ASCC3: variants seen among roughly 807,000 people sequenced by gnomAD.
The protein encoded by ASCC3 is ASC-1 complex subunit P200.
Under a neutral mutation model 256.3 loss-of-function variants are expected in ASCC3, and 158 were observed. The ratio of observed to expected loss-of-function variants is 0.62; its 90% CI spans 0.54 to 0.70. ASCC3 has a LOEUF of 0.70. Among genes scored for constraint, ASCC3 ranks in the 30% least tolerant of loss-of-function variants. The probability of loss-of-function intolerance (pLI) is 0.00; values close to 1 mark genes in which losing one functional copy is unlikely to be tolerated. For missense variants in ASCC3, 2,259 were observed against 2,626.0 expected (o/e 0.86, Z 3.05); for synonymous variants, 948 against 883.4 (o/e 1.07, Z -1.30).
intron 10 of ASCC3, among the ~76,000 whole-genome samples, chr6:100,747,430 G>A (rs1259389002): frequency 6.6e-6 from 1 of 152,036 alleles, no homozygotes; most frequent in African/African-American, 2.4e-5. Context: ...ACAAATACTT[G>A]TACATGAATG....
At chr6:100,789,030 C>T (rs1186693251) in intron 8 of ASCC3, among the ~76,000 whole-genome samples, 2 of 151,126 alleles carry the variant, frequency 1.3e-5, no homozygotes, top group Non-Finnish European at 3.0e-5. Flanking sequence ...TTTAATACAC[C>T]AGGCTTTCAA....
intron 10 of ASCC3, among the ~76,000 whole-genome samples, chr6:100,762,837 A>G (rs1329794283): frequency 6.6e-6 from 1 of 152,150 alleles, no homozygotes; most frequent in Non-Finnish European, 1.5e-5. Context: ...TATGAGCAAG[A>G]GAGTAATATG....
intron 38 of ASCC3, among the ~76,000 whole-genome samples, chr6:100,516,738 A>T (rs1774046653): frequency 6.6e-6 from 1 of 152,186 alleles, no homozygotes; most frequent in African/African-American, 2.4e-5. Flanking sequence ...ACATAAAGTT[A>T]AAAGTTCATT....
At chr6:100,864,415 G>T (rs910683721) in intron 2 of ASCC3, among the ~76,000 whole-genome samples, 5 of 152,124 alleles carry the variant, frequency 3.3e-5, no homozygotes, top group African/African-American at 7.2e-5. Flanking sequence ...TCGTTGAAAA[G>T]ATATGTTTAA....
chr6:100,562,974 A>G lies in ASCC3; in HGVS notation c.5551-22587T>C, dbSNP rs546098768. Among the ~76,000 whole-genome samples the G allele has an allele frequency of 4.6e-5, 7 of 151,454 alleles. No individual in the cohort carries two copies. The South Asian group carries it at 1.5e-3, about 32-fold the overall frequency. The stretch of plus-strand genomic sequence containing the variant: ...GGTTGCCATTTTTTTTTCAATTTCT[A>G]TTTCCTTTATCAGTGAGAAGGCTGA... On this transcript the variant is annotated intron_variant, in intron 36 of 41. Coordinates refer to ENST00000369162, the MANE Select transcript of ASCC3 (RefSeq NM_006828.4).
chr6:100,589,510 G>A (rs898027759), intron 36 of ASCC3, 124 bp downstream of exon 36: 1 of 1,132,892 alleles, frequency 8.8e-7, no homozygotes, highest in Non-Finnish European at 1.3e-6. Context: ...TTGCTTTGTA[G>A]TGACCTTGTT....
chr6:100,559,005 T>A (rs916510234), intron 36 of ASCC3, among the ~76,000 whole-genome samples: 3 of 152,198 alleles, frequency 2.0e-5, no homozygotes, highest in South Asian at 4.1e-4. Flanking sequence ...AAAACAAGAT[T>A]TGGACTCAGT....
intron 2 of ASCC3, among the ~76,000 whole-genome samples, chr6:100,865,184 G>A (rs1033144476): frequency 1.3e-5 from 2 of 152,064 alleles, no homozygotes; most frequent in Non-Finnish European, 2.9e-5. Flanking sequence ...CAATGGAGTC[G>A]TAAGCATATT....
At chr6:100,671,664 G>A (rs1776752711) in intron 14 of ASCC3, among the ~76,000 whole-genome samples, 1 of 152,014 alleles carries the variant, frequency 6.6e-6, no homozygotes. Context: ...TAATCCATCA[G>A]CACAATTAAG....
At chr6:100,846,885 C>T (rs1182713132) in intron 4 of ASCC3, among the ~76,000 whole-genome samples, 1 of 141,954 alleles carries the variant, frequency 7.0e-6, no homozygotes, top group African/African-American at 2.4e-5. Context: ...TACTTGTTGA[C>T]ATGTCTCCTC....
At chr6:100,540,122 T>C in intron 37 of ASCC3, 41 bp downstream of exon 37, 2 of 1,539,546 alleles carry the variant, frequency 1.3e-6, no homozygotes, top group East Asian at 2.2e-5. Flanking sequence ...GCAGGAATGA[T>C]GGGAGAAAAC....
At chr6:100,819,746 G>A (rs1434022678) in intron 4 of ASCC3, among the ~76,000 whole-genome samples, 1 of 152,116 alleles carries the variant, frequency 6.6e-6, no homozygotes, top group Non-Finnish European at 1.5e-5. Flanking sequence ...GCTGGCAGCT[G>A]ATTAGATTGC....
chr6:100,742,117 T>G (rs1161990456), intron 10 of ASCC3, among the ~76,000 whole-genome samples: 1 of 152,210 alleles, frequency 6.6e-6, no homozygotes. Context: ...GCCACTCTTC[T>G]GTAGGACTGC....
In ASCC3 at chr6:100,511,900, T is replaced by C. The variant is rs566216350; in HGVS notation, c.6285+809A>G. On this transcript the variant is annotated intron_variant, in intron 40 of 41. Coordinates refer to ENST00000369162, the MANE Select transcript of ASCC3 (RefSeq NM_006828.4). ...GTGAGAACAGAAGGGACAATACTTATGAACTACAGCTTCACCCCTGAGGGC... is the reference window on the plus strand; with the variant it reads ...GTGAGAACAGAAGGGACAATACTTACGAACTACAGCTTCACCCCTGAGGGC... 2.2e-4 allele frequency among the ~76,000 whole-genome samples: 33 copies of C among 152,266 alleles called. 1 individual carries two copies. The South Asian group carries it at 5.2e-3, about 24-fold the overall frequency.
chr6:100,552,147 T>A (rs1229595121), intron 36 of ASCC3, among the ~76,000 whole-genome samples: 3 of 151,464 alleles, frequency 2.0e-5, no homozygotes, highest in African/African-American at 4.8e-5. Context: ...ATAATAATAA[T>A]AAAAATAATA....
intron 36 of ASCC3, among the ~76,000 whole-genome samples, chr6:100,564,203 T>A (rs1168464443): frequency 6.6e-6 from 1 of 152,048 alleles, no homozygotes; most frequent in Non-Finnish European, 1.5e-5. Flanking sequence ...TCAGGGTAAC[T>A]GGGATATCTA....
At chr6:100,544,201 T>G (rs1260558764) in intron 36 of ASCC3, among the ~76,000 whole-genome samples, 2 of 152,052 alleles carry the variant, frequency 1.3e-5, no homozygotes, top group Non-Finnish European at 2.9e-5. Flanking sequence ...AAACTAAACA[T>G]CTATATTAGA....
At chr6:100,544,677 A>T (rs1243293917) in intron 36 of ASCC3, among the ~76,000 whole-genome samples, 7 of 152,134 alleles carry the variant, frequency 4.6e-5, no homozygotes. Flanking sequence ...GTAGTAAAAA[A>T]TCTTCTGACA....
rs1010207537 is a variant in ASCC3 at position 100,517,846 on chromosome 6, G to GC, written c.5927+144dup. On this transcript the variant is annotated intron_variant, in intron 38 of 41. Coordinates refer to ENST00000369162, the MANE Select transcript of ASCC3 (RefSeq NM_006828.4). ...CCAAACAAGAATGTTACGTCACTTG[G>GC]CCATGTCTCACTCTGGGAAACAGGA... 15 of 876,950 alleles carry GC rather than the reference G, an allele frequency of 1.7e-5. No homozygotes were observed. In the African/African-American group the frequency reaches 2.4e-4, roughly 14 times the overall value. 54.3% of individuals were successfully genotyped at this position (876,950 alleles called of 1,614,324 possible). A position where few individuals can be genotyped will look rare whatever the true frequency, so the allele number is the denominator to read the frequency against.
Sources: gnomAD v4.1 joint callset for allele counts (sites outside exome capture counted in the v4.1 genomes callset) on GRCh38, gnomAD v4.1.1 for gene constraint, MANE v1.5 for transcripts, NCBI Gene and HGNC (gene_info 2026-07-23, HGNC 2026-07-21) for gene names.